WDR27: variants seen among roughly 807,000 people sequenced by gnomAD.
WDR27 encodes the protein WD repeat-containing protein 27.
Under a neutral mutation model 114.4 loss-of-function variants are expected in WDR27, and 100 were observed. That is an observed-to-expected ratio of 0.87 (90% CI 0.74 to 1.03). WDR27 has a LOEUF of 1.03. Ranked by LOEUF, WDR27 falls within the 50% of genes least tolerant of loss-of-function variation. The pLI, the probability that WDR27 is intolerant of heterozygous loss-of-function variation, is 0.00. For synonymous variants in WDR27, 449 were observed against 423.1 expected (o/e 1.06, Z -0.75); for missense variants, 1,129 against 1,092.9 (o/e 1.03, Z -0.47).
At position 169,659,036 on chromosome 6, in the gene WDR27, G is replaced by C; in HGVS notation, c.1319+50C>G. On this transcript the variant is annotated intron_variant, in intron 12 of 25. Transcript: ENST00000448612. This position sits in a 1 kb window ranked among gnomAD's most constrained non-coding sequence, Gnocchi z 4.3. ...ATTTCTGAACATAGAAATCCAGATG[G>C]CACTTATTGGTGAACACACACACAC... The C allele has an allele frequency of 6.7e-7, 1 of 1,482,216 alleles. No individual in the cohort carries two copies. Among genetic ancestry groups the C allele is most frequent in the South Asian group, 1.5e-5 (1 of 68,560 alleles). 91.8% of individuals were successfully genotyped at this position (1,482,216 alleles called of 1,614,324 possible).
the WDR27 span, among the ~76,000 whole-genome samples, chr6:169,433,704 C>T: frequency 6.6e-6 from 1 of 152,194 alleles, no homozygotes. Flanking sequence ...TACACTCCCA[C>T]CAACTGTGTA....
intron 22 of WDR27, among the ~76,000 whole-genome samples, chr6:169,609,739 T>A (rs1015908559): frequency 6.6e-6 from 1 of 152,372 alleles, no homozygotes; most frequent in Admixed American, 6.5e-5. Context: ...CTCCTCAGTA[T>A]GTATGCAAAT....
At position 169,668,120 on chromosome 6, in the gene WDR27, C is replaced by T. The variant is rs758359475; in HGVS notation, c.522G>A (p.Pro174=). Residue 174 remains proline (P), a synonymous_variant, in exon 5 of 26, where the codon CCG becomes CCA. Coordinates refer to ENST00000448612, the MANE Select transcript of WDR27 (RefSeq NM_182552.5). The stretch of plus-strand genomic sequence containing the variant: ...TCTGAGAGAATGTGTGCAGGAAGGT[C>T]GGTGGTGGGACTTTGTGGCGGTTAT... ...DVNNRHKVPP[P]TFLHTFSQTQ... is the part of the protein sequence containing the mutation. 3 of 1,613,968 alleles carry T rather than the reference C, an allele frequency of 1.9e-6. No individual in the cohort carries two copies. Among genetic ancestry groups the T allele is most frequent in the Non-Finnish European group, 1.7e-6 (2 of 1,179,892 alleles).
In WDR27 at chr6:169,582,989, G is replaced by A. The variant is rs1157553167; in HGVS notation, c.2425-55C>T. 1.7e-5 allele frequency: 26 copies of A among 1,524,978 alleles called. No individual in the cohort carries two copies. In the South Asian group the frequency reaches 2.4e-4, roughly 14 times the overall value. 94.5% of individuals were successfully genotyped at this position (1,524,978 alleles called of 1,614,324 possible). ...GTTAACTCAGAGTCAGGAATCACCT[G>A]TAAGCTAGGCAGAGCAGAGGGACCA... On this transcript the variant is annotated intron_variant, in intron 23 of 25. Transcript: ENST00000448612.
intron 21 of WDR27, among the ~76,000 whole-genome samples, chr6:169,630,111 G>A (rs1194004148): frequency 1.3e-5 from 2 of 152,092 alleles, no homozygotes; most frequent in African/African-American, 4.8e-5. Flanking sequence ...TGACCAGATA[G>A]ACAACTACAT....
intron 4 of WDR27, chr6:169,669,400 C>A (rs1309820834): frequency 6.6e-6 from 1 of 152,242 alleles, no homozygotes; most frequent in Non-Finnish European, 1.5e-5. Context: ...TGCTTACTCA[C>A]CTGCTATGTG....
At chr6:169,666,840 C>A in intron 6 of WDR27, 1 of 985,486 alleles carries the variant, frequency 1.0e-6, no homozygotes, top group Non-Finnish European at 1.2e-6. Flanking sequence ...GAGCAGAAGG[C>A]TCAACTTCCC....
At chr6:169,682,061 C>T (rs1033631745) in intron 2 of WDR27, among the ~76,000 whole-genome samples, 1 of 152,144 alleles carries the variant, frequency 6.6e-6, no homozygotes, top group African/African-American at 2.4e-5. Flanking sequence ...TCAATGTGAC[C>T]AGGCTCTCCA....
intron 25 of WDR27, among the ~76,000 whole-genome samples, chr6:169,502,199 C>T (rs1791364364): frequency 6.6e-6 from 1 of 152,214 alleles, no homozygotes; most frequent in Non-Finnish European, 1.5e-5. Flanking sequence ...GGAAGCCGCA[C>T]GCCTGACGCT....
intron 25 of WDR27, among the ~76,000 whole-genome samples, chr6:169,496,141 C>A (rs1361158664): frequency 6.6e-6 from 1 of 151,994 alleles, no homozygotes; most frequent in Non-Finnish European, 1.5e-5. Flanking sequence ...TAGTATACCA[C>A]ATTAACAGAA....
At chr6:169,504,425 T>C (rs1000032007) in intron 25 of WDR27, among the ~76,000 whole-genome samples, 1 of 152,168 alleles carries the variant, frequency 6.6e-6, no homozygotes, top group African/African-American at 2.4e-5. Context: ...CAAGATCTGA[T>C]GGTTTTATAA....
At chr6:169,696,735 G>A (rs1204679235) in intron 1 of WDR27, among the ~76,000 whole-genome samples, 1 of 152,168 alleles carries the variant, frequency 6.6e-6, no homozygotes, top group African/African-American at 2.4e-5. Context: ...CCAACATAGT[G>A]AAGCCCCATC....
At chr6:169,547,547 T>TCC (rs995757648) in intron 25 of WDR27, among the ~76,000 whole-genome samples, 4 of 152,134 alleles carry the variant, frequency 2.6e-5, no homozygotes, top group Admixed American at 1.3e-4. Context: ...ATGTAATCTA[T>TCC]CCCATCAATA....
intron 25 of WDR27, among the ~76,000 whole-genome samples, chr6:169,523,776 T>C (rs1289177120): frequency 6.6e-6 from 1 of 152,054 alleles, no homozygotes; most frequent in East Asian, 1.9e-4. Context: ...AAACTAGGTA[T>C]AGAAGGAACA....
At chr6:169,562,698 T>C (rs967463527) in intron 25 of WDR27, among the ~76,000 whole-genome samples, 7 of 152,068 alleles carry the variant, frequency 4.6e-5, no homozygotes, top group Admixed American at 1.3e-4. Flanking sequence ...GGCATCACAG[T>C]GAGACCAGTG....
chr6:169,517,579 T>G (rs1793833389), intron 25 of WDR27, among the ~76,000 whole-genome samples: 1 of 152,224 alleles, frequency 6.6e-6, no homozygotes, highest in South Asian at 2.1e-4. Context: ...TTAGTTACCT[T>G]TCTTCATGTG....
At chr6:169,651,116 G>A (rs1211275581) in intron 14 of WDR27, among the ~76,000 whole-genome samples, 3 of 146,614 alleles carry the variant, frequency 2.0e-5, no homozygotes, top group African/African-American at 5.1e-5. Context: ...AGAAGAGCTT[G>A]GAGGGTTGGA....
intron 25 of WDR27, among the ~76,000 whole-genome samples, chr6:169,532,836 A>G (rs1370857186): frequency 6.6e-6 from 1 of 152,068 alleles, no homozygotes; most frequent in Non-Finnish European, 1.5e-5. Flanking sequence ...TAAAAAAAAA[A>G]AAAAGATGCT....
the WDR27 span, among the ~76,000 whole-genome samples, chr6:169,442,387 TATAAA>T: frequency 6.6e-6 from 1 of 152,226 alleles, no homozygotes; most frequent in Admixed American, 6.5e-5. Flanking sequence ...AAAGAATTCT[TATAAA>T]ATAGACACCC....
Sources: allele counts gnomAD v4.1 joint callset (sites outside exome capture counted in the v4.1 genomes callset), GRCh38; gene constraint gnomAD v4.1.1; non-coding constraint Gnocchi (gnomAD v3.1); transcripts MANE v1.5; gene names NCBI Gene and HGNC (gene_info 2026-07-23, HGNC 2026-07-21).